Variants in DEFB114 observed in about 807,000 individuals in gnomAD.
DEFB114 encodes the protein defensin beta 114, also known as beta-defensin 114.
A neutral mutation model predicts 2.4 loss-of-function variants in DEFB114; 4 were observed. The ratio of observed to expected loss-of-function variants is 1.67; its 90% CI spans 0.82 to 3.82. DEFB114 has a LOEUF of 3.82. Among genes scored for constraint, DEFB114 ranks in the 30% most tolerant of loss-of-function variants. The pLI is 0.01. For synonymous variants in DEFB114, 35 were observed against 24.6 expected, an observed-to-expected ratio of 1.42 and a Z score of -1.26; for missense variants, 113 against 85.8, an observed-to-expected ratio of 1.32 and a Z score of -1.25.
chr6:49,961,466 AT>A (rs1033404155), intron 1 of DEFB114, among the ~76,000 whole-genome samples: 2 of 150,694 alleles, frequency 1.3e-5, no homozygotes, highest in Non-Finnish European at 3.0e-5. Flanking sequence ...TGTATGCTTA[AT>A]GTTGTTATAT....
intron 1 of DEFB114, among the ~76,000 whole-genome samples, chr6:49,961,205 G>A (rs914805347): frequency 1.3e-5 from 2 of 150,504 alleles, no homozygotes; most frequent in African/African-American, 4.9e-5. Context: ...TTTAAAAAAT[G>A]TAAACAATTT....
In DEFB114 at chr6:49,960,287, T is replaced by A. The variant is rs374999347; in HGVS notation, c.*5A>T. The A allele has an allele frequency of 2.8e-5, 44 of 1,599,494 alleles. No homozygotes were observed. The African/African-American group carries it at 5.6e-4, about 20-fold the overall frequency. Reference sequence around the variant, plus strand: ...ACTTCTTTGTTCAGAGGTATGCCTTTCTTTTCAAAACATATCATCTTCTTC... The same window carrying A: ...ACTTCTTTGTTCAGAGGTATGCCTTACTTTTCAAAACATATCATCTTCTTC... On this transcript the variant is annotated 3_prime_UTR_variant, in exon 2 of 2. Coordinates refer to ENST00000322066, the MANE Select transcript of DEFB114 (RefSeq NM_001037499.2).
intron 1 of DEFB114, among the ~76,000 whole-genome samples, chr6:49,962,251 C>A (rs576262595): frequency 3.9e-4 from 59 of 150,484 alleles, no homozygotes; most frequent in African/African-American, 1.4e-3. Context: ...CTAAGAAATG[C>A]TTGATATTTT....
intron 1 of DEFB114, 62 bp downstream of exon 1, chr6:49,963,989 A>G: frequency 8.0e-7 from 1 of 1,256,258 alleles, no homozygotes; most frequent in Non-Finnish European, 1.1e-6. Context: ...ACAATTAATA[A>G]TTTATTATTT....
chr6:49,963,385 G>A (rs1322278536), intron 1 of DEFB114, among the ~76,000 whole-genome samples: 1 of 149,760 alleles, frequency 6.7e-6, no homozygotes, highest in African/African-American at 2.4e-5. Context: ...ACAAAATGTG[G>A]CCTTCTTTAT....
intron 1 of DEFB114, among the ~76,000 whole-genome samples, chr6:49,960,779 AATCAT>A (rs1400464189): frequency 1.3e-5 from 2 of 150,872 alleles, no homozygotes; most frequent in African/African-American, 2.4e-5. Flanking sequence ...GTTTTCAGAC[AATCAT>A]ATCATATCTA....
Position 49,964,071 on chromosome 6 carries a change from T to A in DEFB114, c.35A>T (p.Tyr12Phe). Residue 12 changes from tyrosine to phenylalanine, a missense_variant, in exon 1 of 2, where the codon TAT becomes TTT. Tyr to Phe is a conservative substitution (Grantham distance 22). Transcript: ENST00000322066. ...RIFYYLHFLC[Y>F]VTFILPATCT... ...CTTACCTGGTAGAATGAAGGTCACA[T>A]AACACAGAAAATGGAGATAGTAAAA... The A allele has an allele frequency of 1.3e-6, 2 of 1,587,368 alleles. No homozygotes were observed. Among genetic ancestry groups the A allele is most frequent in the South Asian group, 1.1e-5 (1 of 87,386 alleles).
In DEFB114 at chr6:49,961,636, A is replaced by G. The variant is rs149443670; in HGVS notation, c.56-1190T>C. Among the ~76,000 whole-genome samples, 339 of 150,954 alleles carry G rather than the reference A, an allele frequency of 2.2e-3. 2 individuals carry two copies. The highest frequency in any genetic ancestry group is 7.6e-3 in the African/African-American group (316 of 41,412). On this transcript the variant is annotated intron_variant, in intron 1 of 1. Transcript: ENST00000322066. Reference sequence around the variant, plus strand: ...ATTTCTTTATGTATGAACTTTAAAAAGAAAATAAAACAAACTTGCAGAAGA... The same window carrying G: ...ATTTCTTTATGTATGAACTTTAAAAGGAAAATAAAACAAACTTGCAGAAGA...
At chr6:49,962,866 G>A (rs1773484998) in intron 1 of DEFB114, among the ~76,000 whole-genome samples, 1 of 149,402 alleles carries the variant, frequency 6.7e-6, no homozygotes, top group African/African-American at 2.4e-5. Flanking sequence ...TCTGTTTCTG[G>A]GTTCTCTATT....
Position 49,964,092 on chromosome 6 carries a change from T to C in DEFB114, c.14A>G (p.Tyr5Cys). The C allele has an allele frequency of 6.3e-7, 1 of 1,585,248 alleles. No individual in the cohort carries two copies. Among genetic ancestry groups the C allele is most frequent in the Non-Finnish European group, 8.6e-7 (1 of 1,162,394 alleles). Residue 5 changes from tyrosine (Y) to cysteine (C), a missense_variant, in exon 1 of 2, where the codon TAC becomes TGC. By Grantham distance (194) the Tyr-to-Cys change is radical (BLOSUM62 -2). Transcript: ENST00000322066. Reference protein sequence around the residue: MRIFYYLHFLCYVTF... With the variant: MRIFCYLHFLCYVTF... ...CACATAACACAGAAAATGGAGATAG[T>C]AAAAGATCCTCATTCTGTAGAAAGA...
At position 49,963,570 on chromosome 6, in the gene DEFB114, T is replaced by C. The variant is rs530432611; in HGVS notation, c.55+481A>G. Among the ~76,000 whole-genome samples the C allele has an allele frequency of 1.5e-4, 22 of 150,036 alleles. No individual in the cohort carries two copies. The South Asian group carries it at 4.0e-3, about 27-fold the overall frequency. On this transcript the variant is annotated intron_variant, in intron 1 of 1. Coordinates refer to ENST00000322066, the MANE Select transcript of DEFB114 (RefSeq NM_001037499.2). ...ACTATATTAATTTCCTTGTAAACCC[T>C]ACTATGAACTTTGATTTATCTCATT... is the stretch of plus-strand genomic sequence containing the variant.
At chr6:49,962,847 C>T (rs543621505) in intron 1 of DEFB114, among the ~76,000 whole-genome samples, 1 of 150,152 alleles carries the variant, frequency 6.7e-6, no homozygotes, top group South Asian at 2.1e-4. Flanking sequence ...TTCTGTAGTG[C>T]CATCTTTATC....
rs1273974362 is a variant in DEFB114 at position 49,960,437 on chromosome 6, G to A, written c.65C>T (p.Thr22Ile). The change falls in exon 2 of 2, where the codon ACC becomes ATC. Residue 22 changes from threonine (T) to isoleucine (I), a missense_variant. By Grantham distance (89) the Thr-to-Ile change is moderately conservative. Transcript: ENST00000322066. ...YVTFILPATC[T>I]LVNADRCTKR... ...GGTGCAACGATCAGCATTCACCAAG[G>A]TACATGTGGCTACGGTAAAAGAAGA... 2 of 1,591,082 alleles carry A rather than the reference G, an allele frequency of 1.3e-6. No homozygotes were observed. Among genetic ancestry groups the A allele is most frequent in the East Asian group, 2.3e-5 (1 of 44,096 alleles).
chr6:49,961,769 T>C (rs1374488753), intron 1 of DEFB114, among the ~76,000 whole-genome samples: 1 of 150,760 alleles, frequency 6.6e-6, no homozygotes, highest in Admixed American at 6.6e-5. Flanking sequence ...TGTGCCCCCT[T>C]ACAGTTACTA....
Position 49,964,054 on chromosome 6 carries a change from G to A in DEFB114, c.52C>T (p.Pro18Ser). The A allele has an allele frequency of 1.3e-6, 2 of 1,578,584 alleles. No individual in the cohort carries two copies. Among genetic ancestry groups the A allele is most frequent in the Non-Finnish European group, 1.7e-6 (2 of 1,157,436 alleles). ...ATAACAGAGACATCTATCTTACCTGGTAGAATGAAGGTCACATAACACAGA... is the reference window on the plus strand; with the variant it reads ...ATAACAGAGACATCTATCTTACCTGATAGAATGAAGGTCACATAACACAGA... ...HFLCYVTFIL[P>S]ATCTLVNADR... is the part of the protein sequence containing the mutation. Residue 18 changes from proline (P) to serine (S), a missense_variant, in exon 1 of 2, where the codon CCA becomes TCA. Pro to Ser is a moderately conservative substitution (Grantham distance 74). Coordinates refer to ENST00000322066, the MANE Select transcript of DEFB114 (RefSeq NM_001037499.2).
chr6:49,960,424 A>T lies in DEFB114; in HGVS notation c.78T>A (p.Ala26=). The change falls in exon 2 of 2, where the codon GCT becomes GCA. Residue 26 remains alanine (A), a synonymous_variant. Coordinates refer to ENST00000322066, the MANE Select transcript of DEFB114 (RefSeq NM_001037499.2). ...ILPATCTLVN[A]DRCTKRYGRC... is the part of the protein sequence containing the mutation. ...GACCGTAACGTTTGGTGCAACGATC[A>T]GCATTCACCAAGGTACATGTGGCTA... 1 of 1,603,038 alleles carries T rather than the reference A, an allele frequency of 6.2e-7. No individual in the cohort carries two copies. The highest frequency in any genetic ancestry group is 8.5e-7 in the Non-Finnish European group (1 of 1,174,436).
In DEFB114 at chr6:49,960,361, T is replaced by A; in HGVS notation, c.141A>T (p.Ile47=). The A allele has an allele frequency of 6.2e-7, 1 of 1,608,776 alleles. No individual in the cohort carries two copies. Among genetic ancestry groups the A allele is most frequent in the Admixed American group, 1.7e-5 (1 of 59,520 alleles). ...KRDCLESEKQ[I]DICSLPRKIC... ...TTTTTCTTGGTAAGGAACATATGTC[T>A]ATTTGCTTTTCACTCTCAAGACAGT... The change falls in exon 2 of 2, where the codon ATA becomes ATT. Residue 47 remains isoleucine, a synonymous_variant. Transcript: ENST00000322066.
At chr6:49,963,814 A>G (rs1773499737) in intron 1 of DEFB114, among the ~76,000 whole-genome samples, 1 of 149,916 alleles carries the variant, frequency 6.7e-6, no homozygotes, top group South Asian at 2.1e-4. Flanking sequence ...CTCAGTCCAA[A>G]AAAATTGAAA....
At position 49,964,064 on chromosome 6, in the gene DEFB114, G is replaced by GGTCA; in HGVS notation, c.38_41dup (p.Phe15AspfsTer14). 1 of 1,586,382 alleles carries GGTCA rather than the reference G, an allele frequency of 6.3e-7. No individual in the cohort carries two copies. Among genetic ancestry groups the GGTCA allele is most frequent in the South Asian group, 1.1e-5 (1 of 87,276 alleles). ...CATCTATCTTACCTGGTAGAATGAA[G>GGTCA]GTCACATAACACAGAAAATGGAGAT... On this transcript the variant is annotated frameshift_variant, in exon 1 of 2. Coordinates refer to ENST00000322066, the MANE Select transcript of DEFB114 (RefSeq NM_001037499.2). LOFTEE classifies it low-confidence loss of function (END_TRUNC).
Sources: allele counts gnomAD v4.1 joint callset (sites outside exome capture counted in the v4.1 genomes callset), GRCh38; gene constraint gnomAD v4.1.1; transcripts MANE v1.5; gene names NCBI Gene and HGNC (gene_info 2026-07-23, HGNC 2026-07-21).